ZNF728: variants seen among roughly 807,000 people sequenced by gnomAD.
ZNF728 encodes zinc finger protein 728.
A neutral mutation model predicts 12.5 loss-of-function variants in ZNF728; 12 were observed. The ratio of observed to expected loss-of-function variants is 0.96; its 90% confidence interval spans 0.61 to 1.55. The LOEUF (loss-of-function observed/expected upper bound fraction) is 1.55, where lower values mean the gene tolerates loss of function less well. Ranked by LOEUF, ZNF728 falls within the 40% of genes most tolerant of loss-of-function variation. The pLI, the probability that ZNF728 is intolerant of heterozygous loss-of-function variation, is 0.00. For missense variants in ZNF728, 692 were observed against 719.2 expected (o/e 0.96, Z 0.43); for synonymous variants, 205 against 240.7 (o/e 0.85, Z 1.37).
chr19:23,003,042 CG>C lies in ZNF728; in HGVS notation c.-13del. ...GGCTGACTCACCATTTCTAGGCTTC[CG>C]GGGGTCCTGGCGACTTAGTTGTGAA... On this transcript the variant is annotated 5_prime_UTR_variant, in exon 1 of 4. Coordinates refer to ENST00000594710, the MANE Select transcript of ZNF728 (RefSeq NM_001267716.2). The C allele has an allele frequency of 1.9e-6, 3 of 1,583,166 alleles. No individual in the cohort carries two copies. The highest frequency in any genetic ancestry group is 3.5e-5 in the Admixed American group (2 of 57,056).
chr19:22,978,876 G>A (rs289316), intron 3 of ZNF728, among the ~76,000 whole-genome samples: 46,535 of 152,066 alleles, frequency 0.31, 9,238 homozygotes, highest in African/African-American at 0.57. Flanking sequence ...AAAGACCAAA[G>A]GTAGATAAAT....
chr19:22,983,688 G>A (rs1295468447), intron 3 of ZNF728, among the ~76,000 whole-genome samples: 1 of 152,180 alleles, frequency 6.6e-6, no homozygotes. Context: ...AAAAAAGGAT[G>A]AGTCCATGTC....
chr19:22,976,818 C>A lies in ZNF728; in HGVS notation c.519G>T (p.Leu173Phe). Residue 173 changes from leucine (L) to phenylalanine (F), a missense_variant, in exon 4 of 4, where the codon TTG becomes TTT. Leu to Phe is a conservative substitution (Grantham distance 22, BLOSUM62 0). Around this residue, in one of 3 missense-constraint regions of ZNF728, gnomAD observed 440 missense variants for 459.6 expected, o/e 0.96. Transcript: ENST00000594710. ...HKIRHTGKKL[L>F]KCKEYVRSFC... ...ATGATCTGACATATTCTTTACATTT[C>A]AAAAGTTTCTTTCCAGTATGCCTTA... is the stretch of plus-strand genomic sequence containing the variant. 6.2e-7 allele frequency: 1 copy of A among 1,613,342 alleles called. No homozygotes were observed. The highest frequency in any genetic ancestry group is 1.1e-5 in the South Asian group (1 of 91,074).
At chr19:22,994,977 G>C (rs1415822919) in intron 1 of ZNF728, 1 of 153,674 alleles carries the variant, frequency 6.5e-6, no homozygotes, top group African/African-American at 2.4e-5. Flanking sequence ...ACATCAGACA[G>C]TGAAGCCTGA....
chr19:23,003,155 T>A lies in ZNF728; in HGVS notation c.-125A>T. 1 of 1,176,118 alleles carries A rather than the reference T, an allele frequency of 8.5e-7. No individual in the cohort carries two copies. The highest frequency in any genetic ancestry group is 1.2e-6 in the Non-Finnish European group (1 of 853,934). The allele number at this position is 1,176,118 out of a possible 1,614,324, so 72.9% of individuals were successfully genotyped here. On this transcript the variant is annotated 5_prime_UTR_variant, in exon 1 of 4. Transcript: ENST00000594710. Reference sequence around the variant, plus strand: ...CAGCAGTAAGGACGACACCTTGACCTCCGCGTGCAGCGAGAGCCAACGGTC... The same window carrying A: ...CAGCAGTAAGGACGACACCTTGACCACCGCGTGCAGCGAGAGCCAACGGTC...
At chr19:22,989,051 CAAAAAA>C (rs68080575) in intron 1 of ZNF728, among the ~76,000 whole-genome samples, 2 of 50,172 alleles carry the variant, frequency 4.0e-5, no homozygotes, top group African/African-American at 6.4e-5. Context: ...AACTCCATCT[CAAAAAA>C]AAAAAAAAAA....
At chr19:22,995,157 GACA>G (rs1247218859) in intron 1 of ZNF728, 1 of 152,268 alleles carries the variant, frequency 6.6e-6, no homozygotes, top group Non-Finnish European at 1.5e-5. Context: ...TTCTCACTGT[GACA>G]GCCCACGTCT....
chr19:22,979,008 G>A (rs1968834278), intron 3 of ZNF728, among the ~76,000 whole-genome samples: 1 of 152,138 alleles, frequency 6.6e-6, no homozygotes, highest in Admixed American at 6.6e-5. Context: ...CAGAGAATGA[G>A]TTTGACAAAT....
chr19:23,002,172 G>A (rs1425412225), intron 1 of ZNF728, among the ~76,000 whole-genome samples: 2 of 152,178 alleles, frequency 1.3e-5, no homozygotes, highest in Non-Finnish European at 2.9e-5. Context: ...AAAGTTAACG[G>A]GGCGTGGTGG....
chr19:22,978,944 C>A (rs959639210), intron 3 of ZNF728, among the ~76,000 whole-genome samples: 2 of 152,142 alleles, frequency 1.3e-5, no homozygotes, highest in Non-Finnish European at 2.9e-5. Context: ...AACCAGAATG[C>A]CTTTTCTCCT....
chr19:22,976,406 G>T lies in ZNF728; in HGVS notation c.931C>A (p.Pro311Thr). Residue 311 changes from proline to threonine, a missense_variant, in exon 4 of 4, where the codon CCC becomes ACC. Physicochemically the swap from Pro to Thr is conservative, Grantham distance 38 (BLOSUM62 -1). Transcript: ENST00000594710. ...AHKTIHAGEK[P>T]YKCEECGKAF... Reference sequence around the variant, plus strand: ...TTGCCACATTCTTCACATTTGTAGGGTTTCTCTCCAGCATGAATTGTCTTA... The same window carrying T: ...TTGCCACATTCTTCACATTTGTAGGTTTTCTCTCCAGCATGAATTGTCTTA... 6.2e-7 allele frequency: 1 copy of T among 1,613,004 alleles called. No individual in the cohort carries two copies. Among genetic ancestry groups the T allele is most frequent in the East Asian group, 2.2e-5 (1 of 44,796 alleles).
intron 1 of ZNF728, among the ~76,000 whole-genome samples, chr19:22,991,257 A>T (rs541012444): frequency 6.6e-6 from 1 of 152,346 alleles, no homozygotes; most frequent in East Asian, 1.9e-4. Flanking sequence ...GTATTATGTG[A>T]TGTTACAGAG....
At chr19:22,996,938 A>G (rs1969056837) in intron 1 of ZNF728, among the ~76,000 whole-genome samples, 1 of 152,110 alleles carries the variant, frequency 6.6e-6, no homozygotes, top group Non-Finnish European at 1.5e-5. Flanking sequence ...ACTTGAAAGG[A>G]TGTTTATGGG....
At chr19:22,986,455 T>A (rs916806697) in intron 3 of ZNF728, among the ~76,000 whole-genome samples, 5 of 152,140 alleles carry the variant, frequency 3.3e-5, no homozygotes, top group Non-Finnish European at 5.9e-5. Context: ...TATGATTCCA[T>A]ACACTTAAAC....
intron 3 of ZNF728, among the ~76,000 whole-genome samples, chr19:22,978,477 T>G (rs1445456774): frequency 6.6e-6 from 1 of 151,948 alleles, no homozygotes; most frequent in Non-Finnish European, 1.5e-5. Flanking sequence ...TAACGTAACA[T>G]AAAAAAACAA....
rs1335784394 is a variant in ZNF728 at position 22,978,774 on chromosome 19, G to A, written c.227-1664C>T. 6.6e-5 allele frequency among the ~76,000 whole-genome samples: 10 copies of A among 152,144 alleles called. 1 individual carries two copies. Reference sequence around the variant, plus strand: ...ACATCTGCAGCAGAGGGGCCTGACTGTTAAAAGAAAAACTAACAAACAGAA... The same window carrying A: ...ACATCTGCAGCAGAGGGGCCTGACTATTAAAAGAAAAACTAACAAACAGAA... On this transcript the variant is annotated intron_variant, in intron 3 of 3. Transcript: ENST00000594710.
At chr19:22,980,368 T>A (rs1192792252) in intron 3 of ZNF728, among the ~76,000 whole-genome samples, 4 of 152,082 alleles carry the variant, frequency 2.6e-5, no homozygotes, top group Non-Finnish European at 2.9e-5. Context: ...CAGGAGCACC[T>A]AGAATCATAA....
chr19:23,001,802 G>A (rs774607884), intron 1 of ZNF728, among the ~76,000 whole-genome samples: 1 of 152,164 alleles, frequency 6.6e-6, no homozygotes, highest in Non-Finnish European at 1.5e-5. Context: ...TAAGGGAGGG[G>A]AAATTGGCAT....
chr19:22,978,549 A>AT (rs1411381662), intron 3 of ZNF728, among the ~76,000 whole-genome samples: 9 of 152,168 alleles, frequency 5.9e-5, no homozygotes, highest in Non-Finnish European at 1.2e-4. Context: ...CCTGACACCC[A>AT]TGTCTCCTAA....
Sources: allele counts gnomAD v4.1 joint callset (sites outside exome capture counted in the v4.1 genomes callset), GRCh38; gene constraint gnomAD v4.1.1; regional missense constraint gnomAD v4.1.1; transcripts MANE v1.5; gene names NCBI Gene and HGNC (gene_info 2026-07-23, HGNC 2026-07-21).